The following SH3RF3 variants were observed in gnomAD, a reference collection of about 807,000 sequenced individuals.
SH3RF3 encodes the protein SH3 domain containing ring finger 3, also known as E3 ubiquitin-protein ligase SH3RF3.
In SH3RF3, 29 loss-of-function variants were observed where a neutral mutation model predicts 66.3. The ratio of observed to expected loss-of-function variants is 0.44; its 90% CI spans 0.33 to 0.60. The LOEUF (loss-of-function observed/expected upper bound fraction) is 0.60. Among genes scored for constraint, SH3RF3 ranks in the 20% least tolerant of loss-of-function variants. SH3RF3 has a pLI of 0.04. For missense variants in SH3RF3, 1,194 were observed against 1,190.9 expected (o/e 1.00, Z -0.04); for synonymous variants, 583 against 532.0 (o/e 1.10, Z -1.32).
At chr2:109,464,600 A>G (rs1678291604) in intron 8 of SH3RF3, among the ~76,000 whole-genome samples, 1 of 152,212 alleles carries the variant, frequency 6.6e-6, no homozygotes, top group African/African-American at 2.4e-5. Context: ...TTCCTCTTCT[A>G]AAAATAGCCC....
chr2:109,249,060 G>A (rs982459926), intron 1 of SH3RF3, among the ~76,000 whole-genome samples: 3 of 151,948 alleles, frequency 2.0e-5, no homozygotes, highest in South Asian at 2.1e-4. Flanking sequence ...TTGTAATTTT[G>A]TGTAGAGACC....
chr2:109,389,291 C>T (rs910598630), intron 3 of SH3RF3, among the ~76,000 whole-genome samples: 12 of 152,238 alleles, frequency 7.9e-5, no homozygotes, highest in African/African-American at 2.7e-4. Context: ...GGTTCACACC[C>T]TGTGCAAACA....
chr2:109,329,597 G>A (rs749314533), intron 1 of SH3RF3, among the ~76,000 whole-genome samples: 2 of 152,232 alleles, frequency 1.3e-5, no homozygotes, highest in Non-Finnish European at 2.9e-5. Context: ...CTGATGATAA[G>A]TCTGGAGCTG....
intron 1 of SH3RF3, among the ~76,000 whole-genome samples, chr2:109,257,385 G>A (rs1165360831): frequency 6.6e-6 from 1 of 151,384 alleles, no homozygotes; most frequent in Admixed American, 6.6e-5. Flanking sequence ...GGAGGGAGAG[G>A]AAGGGAAGGA....
chr2:109,195,028 A>C (rs1678461896), intron 1 of SH3RF3, among the ~76,000 whole-genome samples: 1 of 152,202 alleles, frequency 6.6e-6, no homozygotes, highest in Non-Finnish European at 1.5e-5. Context: ...GGGGGAAATG[A>C]AAATGGAAGG....
At chr2:109,400,537 A>G (rs1676282234) in intron 4 of SH3RF3, among the ~76,000 whole-genome samples, 2 of 151,714 alleles carry the variant, frequency 1.3e-5, no homozygotes, top group African/African-American at 2.4e-5. Context: ...GCAGATACAC[A>G]TGCACACACA....
At chr2:109,302,260 C>T (rs1002233808) in intron 1 of SH3RF3, among the ~76,000 whole-genome samples, 12 of 140,288 alleles carry the variant, frequency 8.6e-5, no homozygotes, top group African/African-American at 3.0e-4. Flanking sequence ...TTTGACATAC[C>T]TGAATCCTGG....
At chr2:109,348,194 T>C (rs1427560115) in intron 2 of SH3RF3, among the ~76,000 whole-genome samples, 1 of 152,210 alleles carries the variant, frequency 6.6e-6, no homozygotes, top group Non-Finnish European at 1.5e-5. Context: ...CAGAGCTACA[T>C]AGGAGCTTGA....
chr2:109,358,732 G>A (rs141743208), intron 2 of SH3RF3, among the ~76,000 whole-genome samples: 199 of 152,234 alleles, frequency 1.3e-3, no homozygotes, highest in African/African-American at 4.5e-3. Flanking sequence ...AGTCTGTAGC[G>A]TGTCTTCTCA....
At position 109,449,299 on chromosome 2, in the gene SH3RF3, G is replaced by A. The variant is rs1265780315; in HGVS notation, c.1958G>A (p.Ser653Asn). The change falls in exon 8 of 10, where the codon AGC becomes AAC. Residue 653 changes from serine (S) to asparagine (N), a missense_variant. By Grantham distance (46) the Ser-to-Asn change is conservative (BLOSUM62 1). Transcript: ENST00000309415. ...RPHSVVSPQH[S>N]HQPPVQMCPR... ...CACTCGGTGGTGTCCCCGCAGCACA[G>A]CCACCAGCCCCCGGTGCAGATGTGC... The A allele has an allele frequency of 3.1e-6, 5 of 1,608,530 alleles. No individual in the cohort carries two copies. The South Asian group carries it at 5.6e-5, about 18-fold the overall frequency.
rs147327961 is a variant in SH3RF3 at position 109,438,686 on chromosome 2, G to A, written c.1828+1540G>A. 2.2e-4 allele frequency among the ~76,000 whole-genome samples: 33 copies of A among 152,246 alleles called. No homozygotes were observed. The East Asian group carries it at 5.6e-3, about 26-fold the overall frequency. ...GCAACCCATGACCTTCTGATCAGCC[G>A]TCCTTCAGCATGGTTTACGTGGATC... is the stretch of plus-strand genomic sequence containing the variant. On this transcript the variant is annotated intron_variant, in intron 7 of 9. Transcript: ENST00000309415.
At chr2:109,303,604 C>T (rs564566401) in intron 1 of SH3RF3, among the ~76,000 whole-genome samples, 30 of 152,316 alleles carry the variant, frequency 2.0e-4, no homozygotes, top group Admixed American at 4.6e-4. Context: ...GGCCGCCACA[C>T]GGGCTGGCGA....
At chr2:109,236,474 G>GA (rs1679652594) in intron 1 of SH3RF3, among the ~76,000 whole-genome samples, 1 of 152,142 alleles carries the variant, frequency 6.6e-6, no homozygotes, top group South Asian at 2.1e-4. Flanking sequence ...TGTTTTTTAG[G>GA]AATCAGAAAA....
At chr2:109,209,819 A>G (rs1678926250) in intron 1 of SH3RF3, among the ~76,000 whole-genome samples, 1 of 152,126 alleles carries the variant, frequency 6.6e-6, no homozygotes, top group African/African-American at 2.4e-5. Flanking sequence ...GTATTCCAAG[A>G]TTTATTATTG....
intron 8 of SH3RF3, among the ~76,000 whole-genome samples, chr2:109,488,119 C>T (rs531347422): frequency 6.6e-6 from 1 of 152,314 alleles, no homozygotes; most frequent in Non-Finnish European, 1.5e-5. Flanking sequence ...GAGTGGGCTC[C>T]GCCGGGACAC....
At chr2:109,335,000 G>A (rs562985873) in intron 1 of SH3RF3, among the ~76,000 whole-genome samples, 51 of 152,334 alleles carry the variant, frequency 3.3e-4, no homozygotes, top group African/African-American at 1.2e-3. Context: ...CTGAGAACGC[G>A]ATTTATGTCA....
At chr2:109,288,742 T>C (rs767974782) in intron 1 of SH3RF3, among the ~76,000 whole-genome samples, 5 of 151,814 alleles carry the variant, frequency 3.3e-5, no homozygotes, top group Non-Finnish European at 7.3e-5. Context: ...GGGTAAAAGT[T>C]GTCATGATGG....
chr2:109,460,312 G>T (rs115195650), intron 8 of SH3RF3, among the ~76,000 whole-genome samples: 2,586 of 152,322 alleles, frequency 0.017, 77 homozygotes, highest in African/African-American at 0.059. Context: ...CTTCCTTGAT[G>T]GAGGTGGTCC....
chr2:109,449,607 C>T, intron 8 of SH3RF3, 118 bp downstream of exon 8: 1 of 1,306,302 alleles, frequency 7.7e-7, no homozygotes, highest in Non-Finnish European at 1.0e-6. Context: ...CTCCAAGTGC[C>T]TGCCCCTAGA....
Sources: gnomAD v4.1 joint callset for allele counts (sites outside exome capture counted in the v4.1 genomes callset) on GRCh38, gnomAD v4.1.1 for gene constraint, MANE v1.5 for transcripts, NCBI Gene and HGNC (gene_info 2026-07-23, HGNC 2026-07-21) for gene names.